The following NAA10 variants were observed in gnomAD, a reference collection of about 807,000 sequenced individuals.
NAA10 encodes the protein N-alpha-acetyltransferase 10.
Under a neutral mutation model 19.2 loss-of-function variants are expected in NAA10, and 6 were observed. The observed-to-expected ratio is 0.31, with a 90% CI of 0.17 to 0.62. The LOEUF (loss-of-function observed/expected upper bound fraction) is 0.62. NAA10 is among the 20% of genes least tolerant of loss of function. NAA10 has a pLI of 0.83. For missense variants in NAA10, 101 were observed against 198.4 expected, an observed-to-expected ratio of 0.51 and a Z score of 2.95; for synonymous variants, 97 against 79.9, an observed-to-expected ratio of 1.21 and a Z score of -1.14.
chrX:153,933,631 G>A (rs1252961641), intron 3 of NAA10: 3 of 169,913 alleles, frequency 1.8e-5, no homozygotes, highest in African/African-American at 3.1e-5. Flanking sequence ...AAGATCACGC[G>A]ACTGCACTCC....
chrX:153,932,467 G>A (rs1557107561), intron 4 of NAA10, 36 bp from the exon 5 acceptor site: 7 of 1,195,853 alleles, frequency 5.9e-6, no homozygotes, highest in Non-Finnish European at 2.3e-6. Flanking sequence ...GTGAGGGACT[G>A]GGACCTTGAG....
Position 153,929,766 on chromosome X carries a change from C to T in NAA10, c.*221G>A. On this transcript the variant is annotated 3_prime_UTR_variant, in exon 8 of 8. Coordinates refer to ENST00000464845, the MANE Select transcript of NAA10 (RefSeq NM_003491.4). The stretch of plus-strand genomic sequence containing the variant: ...GCCTCCTTCCCCGGGGCCACAGCTG[C>T]TGAAGGTCATGAGACTAGGGAGTCC... 1 of 435,538 alleles carries T rather than the reference C, an allele frequency of 2.3e-6. No individual in the cohort carries two copies. Among genetic ancestry groups the T allele is most frequent in the Non-Finnish European group, 4.0e-6 (1 of 249,541 alleles). 35.9% of individuals were successfully genotyped at this position (435,538 alleles called of 1,213,427 possible). A position where few individuals can be genotyped will look rare whatever the true frequency, so the allele number is the denominator to read the frequency against.
At chrX:153,931,564 C>T in intron 6 of NAA10, 2 of 813,835 alleles carry the variant, frequency 2.5e-6, no homozygotes, top group Non-Finnish European at 3.0e-6. Flanking sequence ...TGCCAACTGC[C>T]AGGTTCTCTC....
intron 6 of NAA10, chrX:153,931,694 G>T (rs1320950725): frequency 2.1e-5 from 19 of 921,001 alleles, no homozygotes; most frequent in Non-Finnish European, 2.6e-5. Context: ...GCTCTCTCTT[G>T]GATTCTTCTA....
In NAA10 at chrX:153,934,225, C is replaced by T; in HGVS notation, c.120+152G>A. The T allele has an allele frequency of 1.7e-5, 10 of 587,836 alleles. No homozygotes were observed. In the South Asian group the frequency reaches 2.5e-4, roughly 15 times the overall value. 48.4% of individuals were successfully genotyped at this position (587,836 alleles called of 1,213,427 possible). On this transcript the variant is annotated intron_variant, in intron 2 of 7. Coordinates refer to ENST00000464845, the MANE Select transcript of NAA10 (RefSeq NM_003491.4). ...TGCTCCCTTCGGGCGCCTTCTTTTC[C>T]TTTGCCCCTGTCTGCCAGCTGAAAA...
At chrX:153,934,129 C>T in intron 2 of NAA10, 128 bp from the exon 3 acceptor site, 2 of 650,718 alleles carry the variant, frequency 3.1e-6, no homozygotes, top group East Asian at 6.5e-5. Context: ...GGCTTGGTCT[C>T]CCCCTCGCCA....
rs2065172866 is a variant in NAA10 at position 153,932,565 on chromosome X, C to T, written c.199G>A (p.Val67Met). The T allele has an allele frequency of 8.3e-7, 1 of 1,207,043 alleles. No homozygotes were observed. The highest frequency in any genetic ancestry group is 1.1e-6 in the Non-Finnish European group (1 of 892,841). ...LAKMEEDPDD[V>M]PHGHITSLAV... Reference sequence around the variant, plus strand: ...AATGAGGTGATATGTCCATGGGGCACATCATCTGGGTCCTCTTCCCTGGAG... The same window carrying T: ...AATGAGGTGATATGTCCATGGGGCATATCATCTGGGTCCTCTTCCCTGGAG... The change falls in exon 4 of 8, where the codon GTG becomes ATG. Residue 67 changes from valine (V) to methionine (M), a missense_variant. Coordinates refer to ENST00000464845, the MANE Select transcript of NAA10 (RefSeq NM_003491.4).
chrX:153,932,656 T>C, intron 3 of NAA10, 72 bp from the exon 4 acceptor site: 1 of 995,646 alleles, frequency 1.0e-6, no homozygotes, highest in Non-Finnish European at 1.4e-6. Context: ...CCCCTGCCAT[T>C]TGTAGAGTGG....
intron 3 of NAA10, chrX:153,932,901 A>C: frequency 3.1e-6 from 1 of 322,338 alleles, no homozygotes; most frequent in Non-Finnish European, 5.5e-6. Context: ...AAAAATCAAA[A>C]AATTAGCTGG....
At chrX:153,931,864 A>G in intron 6 of NAA10, 1 of 1,115,763 alleles carries the variant, frequency 9.0e-7, no homozygotes, top group South Asian at 2.2e-5. Context: ...AGCACGTTTC[A>G]GCAGGCAGGT....
intron 2 of NAA10, 143 bp downstream of exon 2, chrX:153,934,233 CT>C (rs2065183437): frequency 1.7e-6 from 1 of 598,420 alleles, no homozygotes; most frequent in African/African-American, 2.2e-5. Flanking sequence ...TCCTTTGCCC[CT>C]GTCTGCCAGC....
At chrX:153,930,696 A>G in intron 7 of NAA10, 67 bp downstream of exon 7, 1 of 1,123,817 alleles carries the variant, frequency 8.9e-7, no homozygotes, top group Non-Finnish European at 1.2e-6. Context: ...TCTCGCCTGC[A>G]GCCACTGTCT....
In NAA10 at chrX:153,932,997, G is replaced by A. The variant is rs184964432; in HGVS notation, c.180-413C>T. 3.4e-5 allele frequency: 7 copies of A among 204,928 alleles called. No homozygotes were observed. The Admixed American group carries it at 4.7e-4, about 14-fold the overall frequency. 16.9% of individuals were successfully genotyped at this position (204,928 alleles called of 1,213,427 possible). On this transcript the variant is annotated intron_variant, in intron 3 of 7. Coordinates refer to ENST00000464845, the MANE Select transcript of NAA10 (RefSeq NM_003491.4). ...GAGCCTGGGAGGTTGAGGCTGCAGT[G>A]AGCCATGATCATGCCACTGCACTCC...
Position 153,929,811 on chromosome X carries a change from T to C in NAA10, c.*176A>G, listed in dbSNP as rs2065155397. The C allele has an allele frequency of 4.3e-6, 2 of 460,530 alleles. No individual in the cohort carries two copies. Among genetic ancestry groups the C allele is most frequent in the Non-Finnish European group, 7.6e-6 (2 of 264,492 alleles). 38.0% of individuals were successfully genotyped at this position (460,530 alleles called of 1,213,427 possible). A position where few individuals can be genotyped will look rare whatever the true frequency, so the allele number is the denominator to read the frequency against. On this transcript the variant is annotated 3_prime_UTR_variant, in exon 8 of 8. Transcript: ENST00000464845. ...GAGTCCCACCTCCAAAGCTCTTTCC[T>C]TGTACTCGGGCCTGGCAGGATGCTC...
At chrX:153,931,911 G>A (rs1320482941) in intron 6 of NAA10, 160 bp downstream of exon 6, 44 of 1,164,001 alleles carry the variant, frequency 3.8e-5, no homozygotes, top group Non-Finnish European at 4.4e-5. Flanking sequence ...ATCAGCCGCC[G>A]AGTGAATGTG....
At chrX:153,933,889 A>AC in intron 3 of NAA10, 54 bp downstream of exon 3, 1 of 1,062,218 alleles carries the variant, frequency 9.4e-7, no homozygotes, top group Admixed American at 2.2e-5. Flanking sequence ...TTTAAAGCCC[A>AC]CAGAGGCATC....
At position 153,932,037 on chromosome X, in the gene NAA10, C is replaced by A. The variant is rs1557107441; in HGVS notation, c.386+34G>T. The A allele has an allele frequency of 3.3e-6, 4 of 1,211,445 alleles. No homozygotes were observed. The East Asian group carries it at 8.9e-5, about 27-fold the overall frequency. Reference sequence around the variant, plus strand: ...CCTGATGGGCCAGACCTGGGATCAACCCCAGCCCATTAGAAAAATCGAGAT... The same window carrying A: ...CCTGATGGGCCAGACCTGGGATCAAACCCAGCCCATTAGAAAAATCGAGAT... On this transcript the variant is annotated intron_variant, in intron 6 of 7. Transcript: ENST00000464845.
chrX:153,932,754 C>G, intron 3 of NAA10, 170 bp from the exon 4 acceptor site: 1 of 503,186 alleles, frequency 2.0e-6, no homozygotes, highest in African/African-American at 2.3e-5. Flanking sequence ...CCCTCTGCTG[C>G]CTGAAAACCC....
chrX:153,930,915 G>C (rs782652459), intron 6 of NAA10, 68 bp from the exon 7 acceptor site: 1 of 1,210,458 alleles, frequency 8.3e-7, no homozygotes, highest in East Asian at 3.0e-5. Flanking sequence ...TCCACTCCTG[G>C]TATCGTGGCT....
Sources: allele counts gnomAD v4.1 joint callset, GRCh38; gene constraint gnomAD v4.1.1; transcripts MANE v1.5; gene names NCBI Gene and HGNC (gene_info 2026-07-23, HGNC 2026-07-21).